Variants in ZNF532 observed in about 807,000 individuals in gnomAD.
The protein encoded by ZNF532 is zinc finger protein 532.
ZNF532 carries 22 observed loss-of-function variants against 89.3 expected under a neutral mutation model. That is an observed-to-expected ratio of 0.25 (90% CI 0.18 to 0.35). ZNF532 has a LOEUF of 0.35. ZNF532 is among the 10% of genes least tolerant of loss of function. The pLI is 1.00. For synonymous variants in ZNF532, 606 were observed against 649.6 expected, an observed-to-expected ratio of 0.93 and a Z score of 1.02; for missense variants, 1,132 against 1,643.4, an observed-to-expected ratio of 0.69 and a Z score of 5.38.
intron 3 of ZNF532, among the ~76,000 whole-genome samples, chr18:58,930,627 C>CAAA (rs59983153): frequency 1.5e-4 from 12 of 81,172 alleles, no homozygotes; most frequent in East Asian, 7.0e-4. Flanking sequence ...GACTCCATCT[C>CAAA]AAAAAAAAAA....
At chr18:58,913,317 A>G (rs777357630) in intron 2 of ZNF532, among the ~76,000 whole-genome samples, 2 of 152,252 alleles carry the variant, frequency 1.3e-5, no homozygotes, top group African/African-American at 2.4e-5. Flanking sequence ...AAAACTGGGG[A>G]TGCTAGCTAG....
intron 2 of ZNF532, among the ~76,000 whole-genome samples, chr18:58,906,521 C>A (rs368869662): frequency 6.6e-6 from 1 of 152,078 alleles, no homozygotes; most frequent in Admixed American, 6.6e-5. Flanking sequence ...ATTCCTAGAT[C>A]GGTCATTTCT....
intron 2 of ZNF532, among the ~76,000 whole-genome samples, chr18:58,904,066 T>C (rs2145722779): frequency 6.6e-6 from 1 of 152,304 alleles, no homozygotes; most frequent in South Asian, 2.1e-4. Context: ...AAAAATTAAA[T>C]GCAGCTGGCC....
At chr18:58,926,295 ATTC>A (rs1446641390) in intron 3 of ZNF532, 5 of 152,158 alleles carry the variant, frequency 3.3e-5, no homozygotes, top group South Asian at 2.1e-4. Flanking sequence ...CCGATAAATG[ATTC>A]TTCATTTATT....
rs755892982 is a variant in ZNF532 at position 58,934,633 on chromosome 18, T to C, written c.2528+19T>C. 6.2e-6 allele frequency: 10 copies of C among 1,604,334 alleles called. No individual in the cohort carries two copies. The highest frequency in any genetic ancestry group is 1.3e-5 in the African/African-American group (1 of 74,782). ...GTTTTCGGTCAGTATATCATTCACT[T>C]ATGTGCAAGTAAAACTCGTTCACTT... On this transcript the variant is annotated intron_variant, in intron 4 of 9. Transcript: ENST00000591808.
chr18:58,940,962 T>A lies in ZNF532; in HGVS notation c.2705+1341T>A, dbSNP rs974357293. Among the ~76,000 whole-genome samples, 41 of 73,994 alleles carry A rather than the reference T, an allele frequency of 5.5e-4. 1 individual carries two copies. The East Asian group carries it at 6.4e-3, about 12-fold the overall frequency. 48.5% of individuals were successfully genotyped at this position (73,994 alleles called of 152,430 possible). The stretch of plus-strand genomic sequence containing the variant: ...CACACACACACACACACACACACTC[T>A]TTCTCTCTCTCTCTCTCTCTCTCTC... On this transcript the variant is annotated intron_variant, in intron 5 of 9. Coordinates refer to ENST00000591808, the MANE Select transcript of ZNF532 (RefSeq NM_001375912.1).
chr18:58,947,117 A>T (rs973274735), intron 5 of ZNF532, among the ~76,000 whole-genome samples: 2 of 152,070 alleles, frequency 1.3e-5, no homozygotes, highest in Non-Finnish European at 2.9e-5. Flanking sequence ...GCCCATTCTC[A>T]CAGTTCTCCA....
intron 5 of ZNF532, among the ~76,000 whole-genome samples, chr18:58,943,305 G>A (rs767365050): frequency 2.0e-5 from 3 of 146,934 alleles, no homozygotes; most frequent in Admixed American, 6.8e-5. Flanking sequence ...GACTACAGGC[G>A]CCCACCATCA....
At chr18:58,885,657 G>C (rs58714353) in intron 2 of ZNF532, among the ~76,000 whole-genome samples, 35,551 of 151,804 alleles carry the variant, frequency 0.23, 4,598 homozygotes, top group Middle Eastern at 0.42. Context: ...TAGATTGAGA[G>C]CAGCCTGGCC....
intron 3 of ZNF532, among the ~76,000 whole-genome samples, chr18:58,930,031 T>A (rs1404136435): frequency 1.3e-5 from 2 of 152,236 alleles, no homozygotes; most frequent in Non-Finnish European, 2.9e-5. Context: ...CTCCAATGTT[T>A]CATGTTGGTG....
chr18:58,905,340 A>G (rs2059863921), intron 2 of ZNF532, among the ~76,000 whole-genome samples: 2 of 151,702 alleles, frequency 1.3e-5, no homozygotes, highest in Admixed American at 1.3e-4. Context: ...TATAGTATAC[A>G]ACGTCTCATC....
chr18:58,970,959 A>G (rs2147424658), intron 7 of ZNF532, among the ~76,000 whole-genome samples: 1 of 152,320 alleles, frequency 6.6e-6, no homozygotes, highest in Admixed American at 6.5e-5. Flanking sequence ...TCTCTGCCCA[A>G]GTGTCTGACA....
At chr18:58,915,366 T>C (rs2060529953) in intron 2 of ZNF532, among the ~76,000 whole-genome samples, 1 of 152,152 alleles carries the variant, frequency 6.6e-6, no homozygotes, top group African/African-American at 2.4e-5. Flanking sequence ...TCTTACCACG[T>C]CCCACTGCTT....
At chr18:58,945,735 T>TTTA (rs2063592582) in intron 5 of ZNF532, among the ~76,000 whole-genome samples, 9 of 148,764 alleles carry the variant, frequency 6.0e-5, no homozygotes, top group African/African-American at 1.7e-4. Flanking sequence ...TTATTTATTT[T>TTTA]TTTTTTTTTT....
intron 6 of ZNF532, among the ~76,000 whole-genome samples, chr18:58,950,508 G>T (rs1383004027): frequency 2.0e-5 from 3 of 151,806 alleles, no homozygotes; most frequent in African/African-American, 7.3e-5. Flanking sequence ...AATCTATTTA[G>T]CTCTTGTTAT....
At chr18:58,982,561 G>T (rs1313335683) in intron 9 of ZNF532, among the ~76,000 whole-genome samples, 1 of 152,138 alleles carries the variant, frequency 6.6e-6, no homozygotes. Flanking sequence ...AGCAGAGGTT[G>T]CAGTGTGCCA....
Position 58,978,830 on chromosome 18 carries a change from G to A in ZNF532, c.3151-225G>A, listed in dbSNP as rs575203619. On this transcript the variant is annotated intron_variant, in intron 7 of 9. Transcript: ENST00000591808. ...ATACCTTATATGGATAGCTTGAAGG[G>A]ACTTTTATAAAATAATTTTAATTTT... Among the ~76,000 whole-genome samples the A allele has an allele frequency of 4.6e-5, 7 of 152,188 alleles. No individual in the cohort carries two copies. The South Asian group carries it at 1.5e-3, about 32-fold the overall frequency.
In ZNF532 at chr18:58,984,565, A is replaced by G; in HGVS notation, c.*99A>G. ...TATAATAGAGTTAACAGTACTGTCTAGGCTGTTGCAATATATTCTCTTTCA... is the reference window on the plus strand; with the variant it reads ...TATAATAGAGTTAACAGTACTGTCTGGGCTGTTGCAATATATTCTCTTTCA... On this transcript the variant is annotated 3_prime_UTR_variant, in exon 10 of 10. Transcript: ENST00000591808. 1 of 1,392,404 alleles carries G rather than the reference A, an allele frequency of 7.2e-7. No homozygotes were observed. Among genetic ancestry groups the G allele is most frequent in the Non-Finnish European group, 9.6e-7 (1 of 1,042,226 alleles). The allele number at this position is 1,392,404 out of a possible 1,614,324, so 86.3% of individuals were successfully genotyped here. A position where few individuals can be genotyped will look rare whatever the true frequency, so the allele number is the denominator to read the frequency against.
Position 58,887,404 on chromosome 18 carries a change from A to G in ZNF532, c.-18+21825A>G, listed in dbSNP as rs145581421. Among the ~76,000 whole-genome samples the G allele has an allele frequency of 4.6e-3, 697 of 152,360 alleles. 6 individuals carry two copies. The highest frequency in any genetic ancestry group is 0.016 in the African/African-American group (664 of 41,582). ...GTAAGTAGATATTCCACTGTTCAAG[A>G]ACCTTCACGCTCACAGCAAGTCAGC... On this transcript the variant is annotated intron_variant, in intron 2 of 9. Transcript: ENST00000591808.
Sources: allele counts gnomAD v4.1 joint callset (sites outside exome capture counted in the v4.1 genomes callset), GRCh38; gene constraint gnomAD v4.1.1; transcripts MANE v1.5; gene names NCBI Gene and HGNC (gene_info 2026-07-23, HGNC 2026-07-21).